DPYD: variants seen among roughly 807,000 people sequenced by gnomAD.
The protein encoded by DPYD is dihydropyrimidine dehydrogenase [NADP(+)].
A neutral mutation model predicts 116.2 loss-of-function variants in DPYD; 109 were observed. The observed-to-expected ratio is 0.94, with a 90% CI of 0.80 to 1.10. DPYD has a LOEUF of 1.10. DPYD is among the 50% of genes least tolerant of loss of function. The pLI is 0.00. For synonymous variants in DPYD, 440 were observed against 432.0 expected (o/e 1.02, Z -0.23); for missense variants, 1,302 against 1,254.5 (o/e 1.04, Z -0.57).
rs1359311709 is a variant in DPYD at position 97,173,383 on chromosome 1, T to TGC, written c.2622+19685_2622+19686insGC. 1.2e-4 allele frequency among the ~76,000 whole-genome samples: 18 copies of TGC among 149,592 alleles called. No homozygotes were observed. In the South Asian group the frequency reaches 2.4e-3, roughly 20 times the overall value. ...ACATATATACATATATGTGTGTATA[T>TGC]ACGTACATATATGTGTGTATATACG... On this transcript the variant is annotated intron_variant, in intron 20 of 22. Coordinates refer to ENST00000370192, the MANE Select transcript of DPYD (RefSeq NM_000110.4).
At chr1:97,868,972 A>G (rs1671530195) in intron 2 of DPYD, among the ~76,000 whole-genome samples, 1 of 151,746 alleles carries the variant, frequency 6.6e-6, no homozygotes, top group African/African-American at 2.4e-5. Flanking sequence ...CTCTCCCTAC[A>G]CAAAGCCATG....
At chr1:97,332,213 T>C (rs1669045316) in intron 16 of DPYD, among the ~76,000 whole-genome samples, 1 of 152,190 alleles carries the variant, frequency 6.6e-6, no homozygotes, top group Non-Finnish European at 1.5e-5. Context: ...GCACACATCC[T>C]GTCTATTCCT....
chr1:97,564,195 T>C (rs1041029831), intron 11 of DPYD, among the ~76,000 whole-genome samples: 1 of 152,162 alleles, frequency 6.6e-6, no homozygotes, highest in African/African-American at 2.4e-5. Flanking sequence ...ACATGAGGAA[T>C]CATGTGTGTT....
chr1:97,131,151 A>C (rs1030488095), intron 20 of DPYD, among the ~76,000 whole-genome samples: 5 of 148,820 alleles, frequency 3.4e-5, no homozygotes, highest in Non-Finnish European at 7.5e-5. Context: ...TATCAAAAAG[A>C]AAAAAAAAAG....
At chr1:97,184,576 C>T (rs907350626) in intron 20 of DPYD, among the ~76,000 whole-genome samples, 1 of 152,018 alleles carries the variant, frequency 6.6e-6, no homozygotes, top group South Asian at 2.1e-4. Context: ...GCTGTGAAAG[C>T]AATTCTTTCA....
chr1:97,352,682 C>T (rs1294798053), intron 16 of DPYD, among the ~76,000 whole-genome samples: 3 of 151,384 alleles, frequency 2.0e-5, no homozygotes, highest in Admixed American at 2.0e-4. Context: ...CCCTTCCCTA[C>T]TTTGTGGGAT....
At chr1:97,622,820 A>G (rs1222762687) in intron 8 of DPYD, among the ~76,000 whole-genome samples, 1 of 152,028 alleles carries the variant, frequency 6.6e-6, no homozygotes, top group Non-Finnish European at 1.5e-5. Flanking sequence ...ATATAATTAG[A>G]TGTTATTTTA....
intron 2 of DPYD, among the ~76,000 whole-genome samples, chr1:97,845,543 C>T (rs898455128): frequency 5.3e-5 from 8 of 152,322 alleles, no homozygotes; most frequent in African/African-American, 1.7e-4. Context: ...TTCTGTCACA[C>T]AGTGAAGCTC....
intron 20 of DPYD, among the ~76,000 whole-genome samples, chr1:97,106,123 C>T (rs530388413): frequency 3.1e-4 from 47 of 151,808 alleles, no homozygotes; most frequent in African/African-American, 6.5e-4. Flanking sequence ...AGGATGATGG[C>T]GGTAGCAAAA....
intron 18 of DPYD, among the ~76,000 whole-genome samples, chr1:97,243,149 G>T (rs1662487428): frequency 6.6e-6 from 1 of 151,816 alleles, no homozygotes; most frequent in South Asian, 2.1e-4. Context: ...GGAAATATTG[G>T]ATTAGTTTTT....
intron 18 of DPYD, among the ~76,000 whole-genome samples, chr1:97,291,619 T>TA: frequency 6.6e-6 from 1 of 151,262 alleles, no homozygotes; most frequent in East Asian, 2.0e-4. Context: ...TTCTCACTCA[T>TA]AGGTGGGAAT....
chr1:97,144,945 T>C (rs1654504445), intron 20 of DPYD, among the ~76,000 whole-genome samples: 1 of 152,116 alleles, frequency 6.6e-6, no homozygotes. Context: ...GCTGAGATTG[T>C]GTGATGTGGA....
rs369660925 is a variant in DPYD at position 97,144,763 on chromosome 1, A to G, written c.2623-46131T>C. Among the ~76,000 whole-genome samples the G allele has an allele frequency of 4.6e-4, 70 of 152,312 alleles. 1 individual carries two copies. The South Asian group carries it at 0.014, about 31-fold the overall frequency. ...CTTTTGGTTGATCAGAAAAGCAGTG[A>G]ACTTGATCCCATCACTATAATCTGA... On this transcript the variant is annotated intron_variant, in intron 20 of 22. Coordinates refer to ENST00000370192, the MANE Select transcript of DPYD (RefSeq NM_000110.4).
intron 2 of DPYD, among the ~76,000 whole-genome samples, chr1:97,873,987 T>C (rs1268023844): frequency 2.6e-5 from 4 of 151,772 alleles, no homozygotes; most frequent in African/African-American, 4.8e-5. Context: ...TGAAGAAAAA[T>C]AAAGCAGGAA....
chr1:97,289,105 T>A (rs1435029853), intron 18 of DPYD, among the ~76,000 whole-genome samples: 1 of 152,230 alleles, frequency 6.6e-6, no homozygotes, highest in East Asian at 1.9e-4. Flanking sequence ...GATAAATTCC[T>A]TGACACATAC....
chr1:97,122,547 T>C (rs1652532991), intron 20 of DPYD, among the ~76,000 whole-genome samples: 1 of 152,136 alleles, frequency 6.6e-6, no homozygotes, highest in African/African-American at 2.4e-5. Flanking sequence ...CTCCTTATTC[T>C]TTCTAGTATT....
At chr1:97,701,648 C>G (rs1458136479) in intron 5 of DPYD, among the ~76,000 whole-genome samples, 1 of 151,802 alleles carries the variant, frequency 6.6e-6, no homozygotes, top group Non-Finnish European at 1.5e-5. Flanking sequence ...ATACCACAAA[C>G]TATTGTAAAT....
chr1:97,599,286 G>A (rs1339949263), intron 8 of DPYD, among the ~76,000 whole-genome samples: 1 of 151,976 alleles, frequency 6.6e-6, no homozygotes, highest in African/African-American at 2.4e-5. Context: ...CCTCCCTCTG[G>A]AACAACTACA....
intron 18 of DPYD, among the ~76,000 whole-genome samples, chr1:97,248,895 A>G (rs1662898052): frequency 6.6e-6 from 1 of 152,220 alleles, no homozygotes; most frequent in South Asian, 2.1e-4. Context: ...TAGAAAAGAT[A>G]TGTAAGATCT....
Sources: gnomAD v4.1 joint callset for allele counts (sites outside exome capture counted in the v4.1 genomes callset) on GRCh38, gnomAD v4.1.1 for gene constraint, MANE v1.5 for transcripts, NCBI Gene and HGNC (gene_info 2026-07-23, HGNC 2026-07-21) for gene names.